LNX1: variants seen among roughly 807,000 people sequenced by gnomAD.
The protein encoded by LNX1 is E3 ubiquitin-protein ligase LNX.
In LNX1, 54 loss-of-function variants were observed where a neutral mutation model predicts 68.4. That is an observed-to-expected ratio of 0.79 (90% CI 0.63 to 0.99). The LOEUF (loss-of-function observed/expected upper bound fraction) is 0.99. Ranked by LOEUF, LNX1 falls within the 50% of genes least tolerant of loss-of-function variation. LNX1 has a pLI of 0.00. For synonymous variants in LNX1, 336 were observed against 350.0 expected (o/e 0.96, Z 0.45); for missense variants, 906 against 926.4 (o/e 0.98, Z 0.29).
Position 53,475,098 on chromosome 4 carries a change from C to A in LNX1, c.1892+1655G>T, listed in dbSNP as rs570153172. Reference sequence around the variant, plus strand: ...TACTTCCAGCAAAAGTAGAGAAGTGCCATGCCCAAGGGCAAATGACAAAAG... The same window carrying A: ...TACTTCCAGCAAAAGTAGAGAAGTGACATGCCCAAGGGCAAATGACAAAAG... On this transcript the variant is annotated intron_variant, in intron 9 of 10. Coordinates refer to ENST00000263925, the MANE Select transcript of LNX1 (RefSeq NM_001126328.3). 2.6e-5 allele frequency among the ~76,000 whole-genome samples: 4 copies of A among 152,268 alleles called. No homozygotes were observed. The South Asian group carries it at 8.3e-4, about 32-fold the overall frequency.
At chr4:53,480,352 T>C (rs1167427469) in intron 7 of LNX1, among the ~76,000 whole-genome samples, 1 of 152,158 alleles carries the variant, frequency 6.6e-6, no homozygotes, top group Admixed American at 6.5e-5. Flanking sequence ...AGCTCTTTCA[T>C]GATGAGGAGG....
intron 9 of LNX1, among the ~76,000 whole-genome samples, chr4:53,469,040 C>A (rs1038608082): frequency 6.6e-6 from 1 of 152,196 alleles, no homozygotes; most frequent in African/African-American, 2.4e-5. Context: ...AATATACATT[C>A]TTTCCAGCAC....
intron 9 of LNX1, among the ~76,000 whole-genome samples, chr4:53,466,577 C>A (rs2150561002): frequency 6.6e-6 from 1 of 152,320 alleles, no homozygotes; most frequent in Middle Eastern, 3.4e-3. Flanking sequence ...TCAGGGAATT[C>A]CCTTTCCTAG....
chr4:53,604,124 G>T (rs957086783), intron 2 of LNX1: 1 of 152,096 alleles, frequency 6.6e-6, no homozygotes, highest in Non-Finnish European at 1.5e-5. Context: ...GGGATGGAGG[G>T]TGATTTAATC....
At chr4:53,510,485 G>A (rs1472440795) in intron 2 of LNX1, among the ~76,000 whole-genome samples, 1 of 152,196 alleles carries the variant, frequency 6.6e-6, no homozygotes, top group Non-Finnish European at 1.5e-5. Flanking sequence ...GTCCTCAGCT[G>A]GAAGAGTTCA....
At chr4:53,502,023 C>T (rs1209531739) in intron 4 of LNX1, 1 of 152,240 alleles carries the variant, frequency 6.6e-6, no homozygotes, top group African/African-American at 2.4e-5. Context: ...AAATAATAAT[C>T]AGGACACACT....
At chr4:53,560,574 T>A (rs149827033) in intron 2 of LNX1, among the ~76,000 whole-genome samples, 1 of 152,312 alleles carries the variant, frequency 6.6e-6, no homozygotes, top group East Asian at 1.9e-4. Flanking sequence ...GGGTAAGGCA[T>A]CTCAGAAGGC....
intron 2 of LNX1, among the ~76,000 whole-genome samples, chr4:53,570,270 T>G (rs1731052623): frequency 6.8e-6 from 1 of 148,056 alleles, no homozygotes; most frequent in African/African-American, 2.5e-5. Context: ...AACCCAAATG[T>G]CCAACAATGA....
chr4:53,514,574 C>T (rs553709130), intron 2 of LNX1, among the ~76,000 whole-genome samples: 6 of 152,268 alleles, frequency 3.9e-5, no homozygotes, highest in Admixed American at 2.0e-4. Context: ...GGGGAACTGC[C>T]CCCATGATTC....
At position 53,461,589 on chromosome 4, in the gene LNX1, A is replaced by G. The variant is rs1342709138; in HGVS notation, c.1897T>C (p.Leu633=). The change falls in exon 10 of 11, where the codon TTG becomes CTG. Residue 633 remains leucine (L), a synonymous_variant. Coordinates refer to ENST00000263925, the MANE Select transcript of LNX1 (RefSeq NM_001126328.3). Reference sequence around the variant, plus strand: ...AATACAATATCTTTACAGTTATACAAGCACCTGAAATAGAATGTAATCAGT... The same window carrying G: ...AATACAATATCTTTACAGTTATACAGGCACCTGAAATAGAATGTAATCAGT... ...WVMWLELPRC[L]YNCKDIVLRR... 2 of 1,608,916 alleles carry G rather than the reference A, an allele frequency of 1.2e-6. No individual in the cohort carries two copies. The highest frequency in any genetic ancestry group is 1.7e-6 in the Non-Finnish European group (2 of 1,176,740).
chr4:53,603,171 C>A (rs1733088251), intron 2 of LNX1, among the ~76,000 whole-genome samples: 1 of 152,138 alleles, frequency 6.6e-6, no homozygotes, highest in African/African-American at 2.4e-5. Flanking sequence ...ATAAATCAGC[C>A]CTGGTTGTGC....
At chr4:53,579,341 T>A in intron 1 of LNX1, 2 of 866,340 alleles carry the variant, frequency 2.3e-6, no homozygotes, top group Non-Finnish European at 2.8e-6. Context: ...CTTTCTGATC[T>A]GGAATAGGAC....
At chr4:53,645,820 G>C (rs1734864787) in intron 1 of LNX1, among the ~76,000 whole-genome samples, 1 of 152,122 alleles carries the variant, frequency 6.6e-6, no homozygotes, top group African/African-American at 2.4e-5. Context: ...AAGATGTTTT[G>C]AATGAATATC....
At chr4:53,488,575 G>T (rs1265710192) in intron 6 of LNX1, among the ~76,000 whole-genome samples, 1 of 152,140 alleles carries the variant, frequency 6.6e-6, no homozygotes, top group East Asian at 1.9e-4. Flanking sequence ...CTGCACTGAG[G>T]ACCTCATTAA....
intron 2 of LNX1, among the ~76,000 whole-genome samples, chr4:53,567,359 C>A (rs1228503424): frequency 1.5e-4 from 22 of 149,286 alleles, no homozygotes; most frequent in African/African-American, 5.4e-4. Flanking sequence ...AACCACTCAA[C>A]TACATGGAAA....
intron 2 of LNX1, among the ~76,000 whole-genome samples, chr4:53,607,641 C>A (rs1733287378): frequency 6.6e-6 from 1 of 152,170 alleles, no homozygotes; most frequent in African/African-American, 2.4e-5. Context: ...TCACAGGGAA[C>A]TAAAAAAGAG....
At chr4:53,613,252 A>G (rs62325487) in intron 2 of LNX1, among the ~76,000 whole-genome samples, 62,512 of 151,634 alleles carry the variant, frequency 0.41, 12,890 homozygotes, top group Admixed American at 0.45. Flanking sequence ...GCATGCATTT[A>G]TGAAAATATA....
Position 53,510,487 on chromosome 4 carries a change from A to G in LNX1, c.381-2260T>C, listed in dbSNP as rs529703321. 6.8e-4 allele frequency among the ~76,000 whole-genome samples: 103 copies of G among 152,336 alleles called. 1 individual carries two copies. Among genetic ancestry groups the G allele is most frequent in the African/African-American group, 2.4e-3 (101 of 41,564 alleles). On this transcript the variant is annotated intron_variant, in intron 2 of 10. Transcript: ENST00000263925. ...ACTGCTAGTGCTTGTCCTCAGCTGG[A>G]AGAGTTCAAATTCCTGGCTTGAATT... is the stretch of plus-strand genomic sequence containing the variant.
chr4:53,522,745 G>GA (rs1388572216), intron 2 of LNX1, among the ~76,000 whole-genome samples: 2 of 151,938 alleles, frequency 1.3e-5, no homozygotes, highest in African/African-American at 4.8e-5. Context: ...TTAGAATATG[G>GA]AAAATAAAGA....
Sources: gnomAD v4.1 joint callset for allele counts (sites outside exome capture counted in the v4.1 genomes callset) on GRCh38, gnomAD v4.1.1 for gene constraint, MANE v1.5 for transcripts, NCBI Gene and HGNC (gene_info 2026-07-23, HGNC 2026-07-21) for gene names.